The following SYNE2 variants were observed in gnomAD, a reference collection of about 807,000 sequenced individuals.
SYNE2 encodes the protein nesprin-2.
In SYNE2, 431 loss-of-function variants were observed where a neutral mutation model predicts 856.3. The observed-to-expected ratio is 0.50, with a 90% CI of 0.47 to 0.55. SYNE2 has a LOEUF of 0.55. Ranked by LOEUF, SYNE2 falls within the 20% of genes least tolerant of loss-of-function variation. The probability of loss-of-function intolerance (pLI) is 0.00; values close to 1 mark genes in which losing one functional copy is unlikely to be tolerated. For synonymous variants in SYNE2, 2,923 were observed against 2,872.3 expected, an observed-to-expected ratio of 1.02 and a Z score of -0.56; for missense variants, 8,129 against 8,023.2, an observed-to-expected ratio of 1.01 and a Z score of -0.50.
At chr14:64,060,125 C>T (rs1030761941) in intron 49 of SYNE2, among the ~76,000 whole-genome samples, 12 of 151,582 alleles carry the variant, frequency 7.9e-5, no homozygotes, top group Middle Eastern at 3.5e-3. Context: ...GCCAAGAGCT[C>T]ACTTAGTACT....
chr14:64,080,401 G>T (rs1032894681), intron 55 of SYNE2, 55 bp from the exon 56 acceptor site: 5 of 1,562,980 alleles, frequency 3.2e-6, no homozygotes, highest in Non-Finnish European at 4.4e-6. Flanking sequence ...ACCAGGCATT[G>T]CCTCCATAAA....
rs764521386 is a variant in SYNE2, at chr14:64,024,316, G to A, written c.5697G>A (p.Lys1899=). The change falls in exon 39 of 116, where the codon AAG becomes AAA. Residue 1899 remains lysine (K), a synonymous_variant. Coordinates refer to ENST00000555002, the MANE Select transcript of SYNE2 (RefSeq NM_182914.3). ...TAAAGCAGGTGGACAGCGTACTGAAGCATGTGAAGAAGCATCTGCCCAAAG... is the reference window on the plus strand; with the variant it reads ...TAAAGCAGGTGGACAGCGTACTGAAACATGTGAAGAAGCATCTGCCCAAAG... ...SKIKQVDSVL[K]HVKKHLPKAH... is the part of the protein sequence containing the mutation. 6.2e-7 allele frequency: 1 copy of A among 1,614,130 alleles called. No homozygotes were observed. Among genetic ancestry groups the A allele is most frequent in the South Asian group, 1.1e-5 (1 of 91,086 alleles).
intron 90 of SYNE2, 85 bp from the exon 91 acceptor site, chr14:64,167,148 T>C: frequency 6.3e-7 from 1 of 1,583,106 alleles, no homozygotes; most frequent in African/African-American, 1.3e-5. Context: ...CCAGTTTTCC[T>C]TTATCTTTGA....
At chr14:64,102,901 GTATT>G (rs1321917390) in intron 64 of SYNE2, among the ~76,000 whole-genome samples, 2 of 151,988 alleles carry the variant, frequency 1.3e-5, no homozygotes, top group African/African-American at 4.8e-5. Flanking sequence ...AGATCATACA[GTATT>G]TATCATTCTG....
intron 1 of SYNE2, among the ~76,000 whole-genome samples, chr14:63,889,279 G>A (rs1174839636): frequency 6.6e-6 from 1 of 151,574 alleles, no homozygotes; most frequent in Non-Finnish European, 1.5e-5. Context: ...ATGACAGTTC[G>A]ACTTTCTGTC....
At chr14:64,081,299 T>A in intron 56 of SYNE2, 144 bp from the exon 57 acceptor site, 1 of 933,770 alleles carries the variant, frequency 1.1e-6, no homozygotes, top group Non-Finnish European at 1.7e-6. Flanking sequence ...CTAGAGCAGG[T>A]GAATAAGTAG....
intron 23 of SYNE2, 101 bp from the exon 24 acceptor site, chr14:63,996,846 A>C (rs1281804477): frequency 3.5e-6 from 4 of 1,129,684 alleles, no homozygotes; most frequent in Admixed American, 1.9e-5. Context: ...CTATACAAGA[A>C]CACATTGTTA....
intron 1 of SYNE2, among the ~76,000 whole-genome samples, chr14:63,883,130 C>T (rs2094904374): frequency 6.6e-6 from 1 of 152,078 alleles, no homozygotes; most frequent in Non-Finnish European, 1.5e-5. Flanking sequence ...ATGATCTCAG[C>T]TGTCTGCAAC....
chr14:64,209,194 A>G, intron 101 of SYNE2: 1 of 815,876 alleles, frequency 1.2e-6, no homozygotes, highest in Non-Finnish European at 1.9e-6. Flanking sequence ...CTAGCTGGGC[A>G]GTAGTGGAGG....
intron 102 of SYNE2, 156 bp downstream of exon 102, chr14:64,209,734 G>A (rs1181529853): frequency 1.7e-6 from 2 of 1,204,512 alleles, no homozygotes; most frequent in African/African-American, 1.5e-5. Flanking sequence ...AGACAGCTTT[G>A]CAAGACATTG....
At chr14:63,853,850 T>C (rs374608587) in intron 1 of SYNE2, among the ~76,000 whole-genome samples, 2 of 152,128 alleles carry the variant, frequency 1.3e-5, no homozygotes, top group African/African-American at 4.8e-5. Context: ...CTTTGTTGTC[T>C]GAAATTGCCT....
intron 58 of SYNE2, among the ~76,000 whole-genome samples, chr14:64,089,369 G>GAAAAAA (rs57358817): frequency 1.4e-4 from 7 of 50,470 alleles, no homozygotes; most frequent in African/African-American, 3.2e-4. Context: ...TCCGTCTCAG[G>GAAAAAA]AAAAAAAAAA....
intron 50 of SYNE2, among the ~76,000 whole-genome samples, chr14:64,064,067 A>G (rs2097338734): frequency 6.6e-6 from 1 of 152,216 alleles, no homozygotes; most frequent in South Asian, 2.1e-4. Context: ...TACTGTTTTC[A>G]CCCTTCTTGT....
At chr14:64,204,057 G>GT in intron 100 of SYNE2, among the ~76,000 whole-genome samples, 1 of 152,260 alleles carries the variant, frequency 6.6e-6, no homozygotes, top group Middle Eastern at 3.4e-3. Flanking sequence ...TACAATTACT[G>GT]TTTAAAAGAT....
At chr14:63,937,856 T>A (rs1434534917) in intron 2 of SYNE2, among the ~76,000 whole-genome samples, 6 of 152,134 alleles carry the variant, frequency 3.9e-5, no homozygotes, top group African/African-American at 1.4e-4. Flanking sequence ...GAACTTAAAA[T>A]GGATAAGAAT....
At chr14:63,966,968 C>A (rs970838255) in intron 10 of SYNE2, among the ~76,000 whole-genome samples, 1 of 151,916 alleles carries the variant, frequency 6.6e-6, no homozygotes, top group Non-Finnish European at 1.5e-5. Context: ...CTGGTTCAAG[C>A]GATTCTCCTG....
chr14:64,102,627 C>T (rs2097741987), intron 64 of SYNE2, among the ~76,000 whole-genome samples: 1 of 150,754 alleles, frequency 6.6e-6, no homozygotes, highest in African/African-American at 2.4e-5. Context: ...TGCATTACCT[C>T]ACATATTTGT....
Position 64,026,584 on chromosome 14 carries a change from C to G in SYNE2, c.6258C>G (p.Ile2086Met), listed in dbSNP as rs759330347. 6.2e-7 allele frequency: 1 copy of G among 1,612,226 alleles called. No individual in the cohort carries two copies. Among genetic ancestry groups the G allele is most frequent in the Non-Finnish European group, 8.5e-7 (1 of 1,178,816 alleles). ...LEERIQKIKE[I>M]ILLKPEGDAR... ...ATCTCTTTTATTTAATTCAGGAAAT[C>G]ATTTTGCTGAAGCCTGAAGGGGATG... The change falls in exon 42 of 116, where the codon ATC (isoleucine) becomes ATG (methionine). Residue 2086 changes from isoleucine to methionine, a missense_variant. By Grantham distance (10) the Ile-to-Met change is conservative. Around this residue, in one of 3 missense-constraint regions of SYNE2, gnomAD observed 297 missense variants for 380.9 expected, o/e 0.78. Coordinates refer to ENST00000555002, the MANE Select transcript of SYNE2 (RefSeq NM_182914.3).
At chr14:64,133,531 A>G (rs2098048333) in intron 77 of SYNE2, among the ~76,000 whole-genome samples, 1 of 152,140 alleles carries the variant, frequency 6.6e-6, no homozygotes. Flanking sequence ...TGACAAGACT[A>G]GGGCTAAGGC....
Sources: allele counts gnomAD v4.1 joint callset (sites outside exome capture counted in the v4.1 genomes callset), GRCh38; gene constraint gnomAD v4.1.1; regional missense constraint gnomAD v4.1.1; transcripts MANE v1.5; gene names NCBI Gene and HGNC (gene_info 2026-07-23, HGNC 2026-07-21).